ADARB2: variants seen among roughly 807,000 people sequenced by gnomAD.
The protein encoded by ADARB2 is adenosine deaminase RNA specific B2 (inactive), also known as inactive double-stranded RNA-specific editase B2.
In ADARB2, 25 loss-of-function variants were observed where a neutral mutation model predicts 62.2. That is an observed-to-expected ratio of 0.40 (90% CI 0.29 to 0.56). The LOEUF (loss-of-function observed/expected upper bound fraction) is 0.56. ADARB2 is among the 20% of genes least tolerant of loss of function. ADARB2 has a pLI of 0.43. For synonymous variants in ADARB2, 572 were observed against 500.8 expected, an observed-to-expected ratio of 1.14 and a Z score of -1.90; for missense variants, 1,071 against 1,077.4, an observed-to-expected ratio of 0.99 and a Z score of 0.08.
intron 2 of ADARB2, among the ~76,000 whole-genome samples, chr10:1,374,676 C>G (rs1177316377): frequency 4.6e-5 from 7 of 152,206 alleles, no homozygotes; most frequent in Admixed American, 3.9e-4. Context: ...CCTCTGGCTC[C>G]CGCCGTCCGT....
Position 1,597,115 on chromosome 10 carries a change from A to G in ADARB2, c.100+139936T>C, listed in dbSNP as rs535776034. On this transcript the variant is annotated intron_variant, in intron 1 of 9. Coordinates refer to ENST00000381312, the MANE Select transcript of ADARB2 (RefSeq NM_018702.4). The stretch of plus-strand genomic sequence containing the variant: ...CATGGAATAATTATACATTATGCTG[A>G]TGGTGCCTTTCTTTTGAAGAGTTGT... 9.8e-5 allele frequency among the ~76,000 whole-genome samples: 15 copies of G among 152,320 alleles called. No individual in the cohort carries two copies. The South Asian group carries it at 1.2e-3, about 13-fold the overall frequency.
chr10:1,527,034 G>A (rs928602596), intron 1 of ADARB2: 2 of 236,910 alleles, frequency 8.4e-6, no homozygotes, highest in African/African-American at 4.6e-5. Flanking sequence ...GGAAGCTTCC[G>A]CATTTGGGGA....
chr10:1,329,817 C>T (rs544429641), intron 3 of ADARB2, among the ~76,000 whole-genome samples: 12 of 151,128 alleles, frequency 7.9e-5, no homozygotes, highest in Admixed American at 3.3e-4. Context: ...TAAGAGTGGG[C>T]GGGACCAGGC....
chr10:1,698,231 A>G (rs908405812), intron 1 of ADARB2, among the ~76,000 whole-genome samples: 1 of 152,184 alleles, frequency 6.6e-6, no homozygotes, highest in Non-Finnish European at 1.5e-5. Context: ...TTTCTTATGA[A>G]CAGCCTTAAT....
rs553861784 is a variant in ADARB2, at chr10:1,682,128, TGAAGG to T, written c.100+54918_100+54922del. On this transcript the variant is annotated intron_variant, in intron 1 of 9. Transcript: ENST00000381312. Reference sequence around the variant, plus strand: ...AAACAGAATCACTTAACCTGACTCATGAAGGGAAGAGTTGCAGTCAGTCAGGTGCA... The same window carrying T: ...AAACAGAATCACTTAACCTGACTCATGAAGAGTTGCAGTCAGTCAGGTGCA... 3.7e-3 allele frequency among the ~76,000 whole-genome samples: 569 copies of T among 152,272 alleles called. 8 individuals are homozygous for T. Among genetic ancestry groups the T allele is most frequent in the African/African-American group, 0.013 (536 of 41,562 alleles).
At chr10:1,555,270 A>C (rs1009218279) in intron 1 of ADARB2, among the ~76,000 whole-genome samples, 2 of 152,204 alleles carry the variant, frequency 1.3e-5, no homozygotes, top group African/African-American at 4.8e-5. Flanking sequence ...CAGTTGTCTT[A>C]AGTTCCTTGA....
At chr10:1,673,986 G>A (rs1332899860) in intron 1 of ADARB2, among the ~76,000 whole-genome samples, 2 of 152,248 alleles carry the variant, frequency 1.3e-5, no homozygotes, top group African/African-American at 4.8e-5. Context: ...TGTGTTAAAT[G>A]TGCAAAACTG....
chr10:1,209,011 G>A (rs560984112), intron 7 of ADARB2, among the ~76,000 whole-genome samples: 4 of 152,274 alleles, frequency 2.6e-5, no homozygotes, highest in African/African-American at 9.6e-5. Flanking sequence ...GTGGTTCATC[G>A]TGGGTCCCCA....
At chr10:1,674,000 A>T (rs1834428825) in intron 1 of ADARB2, among the ~76,000 whole-genome samples, 1 of 152,270 alleles carries the variant, frequency 6.6e-6, no homozygotes. Context: ...AAAACTGAGA[A>T]TAACAACCAA....
At position 1,278,287 on chromosome 10, in the gene ADARB2, T is replaced by C. The variant is rs1589175399; in HGVS notation, c.1078-7218A>G. 2.0e-5 allele frequency among the ~76,000 whole-genome samples: 3 copies of C among 146,578 alleles called. No homozygotes were observed. In the South Asian group the frequency reaches 6.2e-4, roughly 30 times the overall value. On this transcript the variant is annotated intron_variant, in intron 3 of 9. Coordinates refer to ENST00000381312, the MANE Select transcript of ADARB2 (RefSeq NM_018702.4). ...TGAGCCACCACACCCGGTCCTTTTT[T>C]TCTTTTTTTTTTTTTAAGTTTCAAC...
chr10:1,495,858 T>A (rs1034579389), intron 1 of ADARB2, among the ~76,000 whole-genome samples: 1 of 151,924 alleles, frequency 6.6e-6, no homozygotes, highest in Admixed American at 6.6e-5. Context: ...ATTACCATCA[T>A]CTTCATCACC....
chr10:1,243,568 C>G (rs1370512929), intron 4 of ADARB2, among the ~76,000 whole-genome samples: 1 of 152,204 alleles, frequency 6.6e-6, no homozygotes, highest in Non-Finnish European at 1.5e-5. Flanking sequence ...GGGCATCTGC[C>G]CTCTCTGGGC....
At position 1,660,595 on chromosome 10, in the gene ADARB2, A is replaced by C. The variant is rs115788246; in HGVS notation, c.100+76456T>G. Among the ~76,000 whole-genome samples, 19 of 152,300 alleles carry C rather than the reference A, an allele frequency of 1.2e-4. No individual in the cohort carries two copies. In the East Asian group the frequency reaches 3.7e-3, roughly 29 times the overall value. On this transcript the variant is annotated intron_variant, in intron 1 of 9. Transcript: ENST00000381312. ...GAACACGTAAGGCCCAAGACCCCAGAAAAAGGGTGGATTTGTCTTATAATT... is the reference window on the plus strand; with the variant it reads ...GAACACGTAAGGCCCAAGACCCCAGCAAAAGGGTGGATTTGTCTTATAATT...
chr10:1,348,225 GT>G lies in ADARB2; in HGVS notation c.1077+14802del, dbSNP rs1478830552. Among the ~76,000 whole-genome samples the G allele has an allele frequency of 7.0e-4, 107 of 152,292 alleles. 1 individual carries two copies. The highest frequency in any genetic ancestry group is 1.2e-4 in the Non-Finnish European group (8 of 68,024). ...CTCATGGGAGGAACATTTCCCTGTT[GT>G]TTCTAAACTCTCAGGAAACTGTCTG... On this transcript the variant is annotated intron_variant, in intron 3 of 9. Transcript: ENST00000381312.
intron 1 of ADARB2, among the ~76,000 whole-genome samples, chr10:1,718,260 T>G (rs1835046830): frequency 1.3e-5 from 2 of 152,192 alleles, no homozygotes; most frequent in Admixed American, 1.3e-4. Context: ...CTTTTTTGAT[T>G]CTGGAGCTTA....
At chr10:1,209,476 T>TGCCTACACTGTC (rs1564221231) in intron 7 of ADARB2, among the ~76,000 whole-genome samples, 15 of 127,748 alleles carry the variant, frequency 1.2e-4, no homozygotes, top group African/African-American at 5.4e-4. Context: ...CCCACACCCA[T>TGCCTACACTGTC]GCCCATGCCT....
intron 3 of ADARB2, among the ~76,000 whole-genome samples, chr10:1,317,803 G>A (rs927950718): frequency 1.4e-4 from 22 of 152,044 alleles, no homozygotes; most frequent in East Asian, 5.8e-4. Context: ...GGCCGGCCAC[G>A]CCCCTCCATT....
intron 1 of ADARB2, among the ~76,000 whole-genome samples, chr10:1,387,659 A>G (rs564052756): frequency 2.0e-5 from 3 of 152,142 alleles, no homozygotes; most frequent in Non-Finnish European, 4.4e-5. Flanking sequence ...CCTCTGGTGA[A>G]CTGCAAGAAA....
At chr10:1,553,107 A>G (rs4620649) in intron 1 of ADARB2, among the ~76,000 whole-genome samples, 140,240 of 152,148 alleles carry the variant, frequency 0.92, 65,048 homozygotes, top group East Asian at 1. Context: ...CTCGCAGCCC[A>G]GGCCAGCACC....
Sources: allele counts gnomAD v4.1 joint callset (sites outside exome capture counted in the v4.1 genomes callset), GRCh38; gene constraint gnomAD v4.1.1; transcripts MANE v1.5; gene names NCBI Gene and HGNC (gene_info 2026-07-23, HGNC 2026-07-21).